Variants in TRABD2B observed in about 807,000 individuals in gnomAD.
TRABD2B encodes metalloprotease TIKI2.
In TRABD2B, 14 loss-of-function variants were observed where a neutral mutation model predicts 40.1. The observed-to-expected ratio is 0.35, with a 90% CI of 0.23 to 0.55. TRABD2B has a LOEUF of 0.55. Ranked by LOEUF, TRABD2B falls within the 20% of genes least tolerant of loss-of-function variation. The pLI, the probability that TRABD2B is intolerant of heterozygous loss-of-function variation, is 0.90. For missense variants in TRABD2B, 541 were observed against 648.6 expected (o/e 0.83, Z 1.80); for synonymous variants, 263 against 277.0 (o/e 0.95, Z 0.50).
Position 47,961,323 on chromosome 1 carries a change from C to T in TRABD2B, c.666+32711G>A, listed in dbSNP as rs562989849. Among the ~76,000 whole-genome samples the T allele has an allele frequency of 7.7e-3, 1,167 of 152,278 alleles. 13 individuals are homozygous for T. Among genetic ancestry groups the T allele is most frequent in the Middle Eastern group, 0.034 (10 of 294 alleles). ...ATGGGCAAGGACTTCATGACTAAAACACCAAAAGCAATGGCAACAAAAGCC... is the reference window on the plus strand; with the variant it reads ...ATGGGCAAGGACTTCATGACTAAAATACCAAAAGCAATGGCAACAAAAGCC... On this transcript the variant is annotated intron_variant, in intron 2 of 6. Coordinates refer to ENST00000606738, the MANE Select transcript of TRABD2B (RefSeq NM_001194986.2).
intron 5 of TRABD2B, among the ~76,000 whole-genome samples, chr1:47,776,971 C>A (rs1362976743): frequency 6.6e-6 from 1 of 152,206 alleles, no homozygotes. Flanking sequence ...TTGTTGGAGC[C>A]TCCTCAGCAT....
Position 47,763,186 on chromosome 1 carries a change from A to T in TRABD2B, c.*2716T>A, listed in dbSNP as rs1461007190. 6.6e-6 allele frequency: 1 copy of T among 152,240 alleles called. No homozygotes were observed. The highest frequency in any genetic ancestry group is 1.5e-5 in the Non-Finnish European group (1 of 68,058). 9.4% of individuals were successfully genotyped at this position (152,240 alleles called of 1,614,324 possible). A position where few individuals can be genotyped will look rare whatever the true frequency, so the allele number is the denominator to read the frequency against. ...GAGAATTCAAGTGCCCCAGACATGCAGATTCCTGCATATGTGCCTCAAGTC... is the reference window on the plus strand; with the variant it reads ...GAGAATTCAAGTGCCCCAGACATGCTGATTCCTGCATATGTGCCTCAAGTC... On this transcript the variant is annotated 3_prime_UTR_variant, in exon 7 of 7. Transcript: ENST00000606738.
chr1:47,964,823 A>G (rs963112798), intron 2 of TRABD2B, among the ~76,000 whole-genome samples: 2 of 151,928 alleles, frequency 1.3e-5, no homozygotes, highest in Non-Finnish European at 2.9e-5. Flanking sequence ...AAGCCCAGAG[A>G]GAGGAAACAA....
intron 2 of TRABD2B, among the ~76,000 whole-genome samples, chr1:47,946,110 T>C (rs1330448455): frequency 6.6e-6 from 1 of 152,220 alleles, no homozygotes; most frequent in East Asian, 1.9e-4. Flanking sequence ...TACTCCACTG[T>C]ACTTTTACTT....
At chr1:47,793,268 C>T (rs1004726706) in intron 4 of TRABD2B, among the ~76,000 whole-genome samples, 2 of 152,162 alleles carry the variant, frequency 1.3e-5, no homozygotes, top group African/African-American at 4.8e-5. Flanking sequence ...CAACAGGCCA[C>T]AGCAGAGATC....
chr1:47,956,417 C>T (rs1172625250), intron 2 of TRABD2B, among the ~76,000 whole-genome samples: 1 of 152,200 alleles, frequency 6.6e-6, no homozygotes, highest in Non-Finnish European at 1.5e-5. Flanking sequence ...CATCGCCTCA[C>T]CTGGGAAACT....
At chr1:47,949,567 C>T (rs1452985007) in intron 2 of TRABD2B, among the ~76,000 whole-genome samples, 1 of 151,782 alleles carries the variant, frequency 6.6e-6, no homozygotes, top group Non-Finnish European at 1.5e-5. Context: ...GCCACCATGG[C>T]CAGCTAATAT....
chr1:47,825,370 C>T (rs935703465), intron 2 of TRABD2B, among the ~76,000 whole-genome samples: 1 of 152,194 alleles, frequency 6.6e-6, no homozygotes, highest in Non-Finnish European at 1.5e-5. Context: ...CTGTCACCTC[C>T]TTTTTACATT....
At chr1:47,951,024 A>T (rs1280164663) in intron 2 of TRABD2B, among the ~76,000 whole-genome samples, 3 of 152,146 alleles carry the variant, frequency 2.0e-5, no homozygotes, top group East Asian at 3.9e-4. Flanking sequence ...TTATGAACTA[A>T]ATGTCCCAAA....
At chr1:47,788,050 C>A (rs1644620623) in intron 4 of TRABD2B, among the ~76,000 whole-genome samples, 1 of 152,136 alleles carries the variant, frequency 6.6e-6, no homozygotes, top group Non-Finnish European at 1.5e-5. Flanking sequence ...CACCATTTCA[C>A]TTCAGTTCTA....
intron 2 of TRABD2B, among the ~76,000 whole-genome samples, chr1:47,949,443 T>TGTCACCCA (rs1470793239): frequency 5.7e-5 from 8 of 139,570 alleles, no homozygotes; most frequent in African/African-American, 1.8e-4. Flanking sequence ...GGTCTCACTC[T>TGTCACCCA]GTCACCCAGA....
Position 47,997,236 on chromosome 1 carries a change from G to A in TRABD2B, c.-447C>T, listed in dbSNP as rs1646107131. 2.0e-6 allele frequency: 2 copies of A among 982,738 alleles called. No individual in the cohort carries two copies. The highest frequency in any genetic ancestry group is 2.4e-6 in the Non-Finnish European group (2 of 828,896). 60.9% of individuals were successfully genotyped at this position (982,738 alleles called of 1,614,324 possible). ...CGGCGCTCCAGGAGGCGCGCAGTGG[G>A]ACAAGTGCGGCGGAAGGCGCGGCAG... On this transcript the variant is annotated 5_prime_UTR_variant, in exon 1 of 7. Transcript: ENST00000606738.
At chr1:47,779,728 C>T (rs535742776) in intron 4 of TRABD2B, among the ~76,000 whole-genome samples, 1 of 152,280 alleles carries the variant, frequency 6.6e-6, no homozygotes, top group East Asian at 1.9e-4. Flanking sequence ...TGGGCCTGCC[C>T]TGTGGCTGCA....
chr1:47,861,685 A>G (rs1306989032), intron 2 of TRABD2B, among the ~76,000 whole-genome samples: 1 of 152,198 alleles, frequency 6.6e-6, no homozygotes, highest in Non-Finnish European at 1.5e-5. Context: ...TCTGCCAAAC[A>G]TTTAGGAAAG....
chr1:47,789,549 T>C (rs77510211), intron 4 of TRABD2B, among the ~76,000 whole-genome samples: 1 of 152,196 alleles, frequency 6.6e-6, no homozygotes, highest in African/African-American at 2.4e-5. Context: ...TCAGTTCTTG[T>C]GGCCAATTTC....
intron 2 of TRABD2B, among the ~76,000 whole-genome samples, chr1:47,897,231 G>A (rs1465608258): frequency 2.6e-5 from 4 of 152,304 alleles, no homozygotes; most frequent in Non-Finnish European, 5.9e-5. Flanking sequence ...CAAAGACCCT[G>A]AGACAGGATC....
chr1:47,865,370 T>C (rs1644040633), intron 2 of TRABD2B, among the ~76,000 whole-genome samples: 1 of 152,002 alleles, frequency 6.6e-6, no homozygotes, highest in Non-Finnish European at 1.5e-5. Flanking sequence ...GCCCCACCTC[T>C]CGCAGTACTG....
At chr1:47,942,727 T>C (rs892788052) in intron 2 of TRABD2B, among the ~76,000 whole-genome samples, 7 of 152,208 alleles carry the variant, frequency 4.6e-5, no homozygotes, top group African/African-American at 9.6e-5. Context: ...ATTAATTTAT[T>C]TGATGCTTGT....
chr1:47,815,673 G>T (rs149638175), intron 2 of TRABD2B, among the ~76,000 whole-genome samples: 1 of 152,136 alleles, frequency 6.6e-6, no homozygotes, highest in Non-Finnish European at 1.5e-5. Flanking sequence ...TCCTGCAACC[G>T]GGAAGCACAG....
Sources: allele counts gnomAD v4.1 joint callset (sites outside exome capture counted in the v4.1 genomes callset), GRCh38; gene constraint gnomAD v4.1.1; transcripts MANE v1.5; gene names NCBI Gene and HGNC (gene_info 2026-07-23, HGNC 2026-07-21).